Variants in KAT2B observed in about 807,000 individuals in gnomAD.
KAT2B encodes the protein histone acetyltransferase KAT2B.
In KAT2B, 36 loss-of-function variants were observed where a neutral mutation model predicts 105.9. The observed-to-expected ratio is 0.34, with a 90% CI of 0.26 to 0.45. The LOEUF is 0.45. KAT2B is among the 20% of genes least tolerant of loss of function. The probability of loss-of-function intolerance (pLI) is 1.00; values close to 1 mark genes in which losing one functional copy is unlikely to be tolerated. For synonymous variants in KAT2B, 397 were observed against 377.9 expected, an observed-to-expected ratio of 1.05 and a Z score of -0.59; for missense variants, 820 against 1,021.6, an observed-to-expected ratio of 0.80 and a Z score of 2.69.
At chr3:20,117,086 C>G (rs1376722914) in intron 7 of KAT2B, among the ~76,000 whole-genome samples, 4 of 150,384 alleles carry the variant, frequency 2.7e-5, no homozygotes, top group Non-Finnish European at 6.0e-5. Context: ...GAGAGGATTT[C>G]TGTGTGTGAA....
At position 20,097,642 on chromosome 3, in the gene KAT2B, T is replaced by G. The variant is rs367719673; in HGVS notation, c.577-2220T>G. On this transcript the variant is annotated intron_variant, in intron 3 of 17. Transcript: ENST00000263754. ...ACCTCCACCACCTGAGTTCAAGTGA[T>G]TCTCCTGCCTCAGCCTCCTGAGTAG... Among the ~76,000 whole-genome samples, 4 of 152,258 alleles carry G rather than the reference T, an allele frequency of 2.6e-5. No individual in the cohort carries two copies. In the East Asian group the frequency reaches 7.7e-4, roughly 29 times the overall value.
chr3:20,152,654 A>C lies in KAT2B; in HGVS notation c.*129A>C. 1.6e-6 allele frequency: 1 copy of C among 613,642 alleles called. No homozygotes were observed. Among genetic ancestry groups the C allele is most frequent in the Non-Finnish European group, 2.7e-6 (1 of 370,120 alleles). The allele number at this position is 613,642 out of a possible 1,614,324, so 38.0% of individuals were successfully genotyped here. On this transcript the variant is annotated 3_prime_UTR_variant, in exon 18 of 18. Coordinates refer to ENST00000263754, the MANE Select transcript of KAT2B (RefSeq NM_003884.5). ...GTAAATGTAATAATTAGCACTTTTG[A>C]AAAAACAAAAAACCTCCTTTTAGCT...
Position 20,126,029 on chromosome 3 carries a change from T to C in KAT2B, c.1538T>C (p.Met513Thr), listed in dbSNP as rs1171249605. The C allele has an allele frequency of 6.2e-7, 1 of 1,614,176 alleles. No individual in the cohort carries two copies. Among genetic ancestry groups the C allele is most frequent in the Non-Finnish European group, 8.5e-7 (1 of 1,180,020 alleles). ...CAGAAACCAAACAAGAAGATCCTGA[T>C]GTGGCTGGTTGGCCTACAGAACGTT... ...LNQKPNKKIL[M>T]WLVGLQNVFS... Residue 513 changes from methionine to threonine, a missense_variant, in exon 10 of 18, where the codon ATG becomes ACG. By Grantham distance (81) the Met-to-Thr change is moderately conservative. This residue lies in a region of KAT2B where 225 missense variants were observed against 268.1 expected (regional missense o/e 0.84). Coordinates refer to ENST00000263754, the MANE Select transcript of KAT2B (RefSeq NM_003884.5).
At chr3:20,050,228 C>T (rs998282355) in intron 1 of KAT2B, among the ~76,000 whole-genome samples, 3 of 151,756 alleles carry the variant, frequency 2.0e-5, no homozygotes, top group Non-Finnish European at 4.4e-5. Flanking sequence ...TTTAGAAGTC[C>T]CCCAACCAGT....
intron 17 of KAT2B, among the ~76,000 whole-genome samples, chr3:20,150,345 A>G (rs1363225311): frequency 6.6e-6 from 1 of 152,136 alleles, no homozygotes; most frequent in Non-Finnish European, 1.5e-5. Context: ...CGATTTCCTT[A>G]TTTGATTTTT....
chr3:20,108,794 C>G (rs564791284), intron 5 of KAT2B, among the ~76,000 whole-genome samples: 2 of 152,278 alleles, frequency 1.3e-5, no homozygotes, highest in African/African-American at 4.8e-5. Flanking sequence ...CCTGTCAGAT[C>G]AGTGGTGGCA....
At position 20,086,902 on chromosome 3, in the gene KAT2B, C is replaced by G. The variant is rs141049343; in HGVS notation, c.431-8361C>G. Reference sequence around the variant, plus strand: ...ATTCAAGTCATTCTCCTGCCTCAGCCTCCCAAGTAGCTAGGATTACAGGCA... The same window carrying G: ...ATTCAAGTCATTCTCCTGCCTCAGCGTCCCAAGTAGCTAGGATTACAGGCA... On this transcript the variant is annotated intron_variant, in intron 2 of 17. Coordinates refer to ENST00000263754, the MANE Select transcript of KAT2B (RefSeq NM_003884.5). 2.8e-3 allele frequency among the ~76,000 whole-genome samples: 416 copies of G among 147,424 alleles called. 2 individuals carry two copies. Among genetic ancestry groups the G allele is most frequent in the Non-Finnish European group, 4.7e-3 (317 of 67,310 alleles).
chr3:20,126,038 T>C lies in KAT2B; in HGVS notation c.1547T>C (p.Val516Ala). ...AACAAGAAGATCCTGATGTGGCTGG[T>C]TGGCCTACAGAACGTTTTCTCCCAC... is the stretch of plus-strand genomic sequence containing the variant. ...KPNKKILMWLVGLQNVFSHQL... is the reference protein window; with the variant it reads ...KPNKKILMWLAGLQNVFSHQL... Residue 516 changes from valine to alanine, a missense_variant, in exon 10 of 18, where the codon GTT (valine) becomes GCT (alanine). Physicochemically the swap from Val to Ala is moderately conservative, Grantham distance 64. This residue lies in a region of KAT2B where 225 missense variants were observed against 268.1 expected (regional missense o/e 0.84). Transcript: ENST00000263754. 1 of 1,614,124 alleles carries C rather than the reference T, an allele frequency of 6.2e-7. No individual in the cohort carries two copies. The highest frequency in any genetic ancestry group is 8.5e-7 in the Non-Finnish European group (1 of 1,180,016).
intron 7 of KAT2B, 33 bp from the exon 8 acceptor site, chr3:20,119,565 A>T: frequency 6.2e-7 from 1 of 1,613,006 alleles, no homozygotes. Context: ...GGAGTCAGTC[A>T]TCTAACACCT....
At chr3:20,072,282 TCCACGGCTG>T in intron 1 of KAT2B, 42 bp from the exon 2 acceptor site, 1 of 1,590,368 alleles carries the variant, frequency 6.3e-7, no homozygotes, top group Non-Finnish European at 8.6e-7. Flanking sequence ...AAACCATCAG[TCCACGGCTG>T]CCTGTTAAAT....
intron 6 of KAT2B, among the ~76,000 whole-genome samples, chr3:20,112,166 CTT>C (rs5847044): frequency 2.1e-5 from 3 of 141,212 alleles, no homozygotes; most frequent in East Asian, 2.0e-4. Context: ...GCTCAAGTGG[CTT>C]TTTTTTTTTT....
intron 13 of KAT2B, among the ~76,000 whole-genome samples, chr3:20,144,999 G>A (rs951529480): frequency 1.3e-5 from 2 of 151,932 alleles, no homozygotes; most frequent in African/African-American, 4.8e-5. Context: ...GTTTCACCGT[G>A]TTGGCCAGGC....
chr3:20,130,551 A>G (rs1699491127), intron 11 of KAT2B, among the ~76,000 whole-genome samples: 1 of 152,224 alleles, frequency 6.6e-6, no homozygotes, highest in Admixed American at 6.5e-5. Context: ...AAAGATAGCT[A>G]TACCAAACAC....
chr3:20,108,792 A>G lies in KAT2B; in HGVS notation c.852-2804A>G, dbSNP rs1318712146. Among the ~76,000 whole-genome samples, 4 of 152,254 alleles carry G rather than the reference A, an allele frequency of 2.6e-5. No homozygotes were observed. The South Asian group carries it at 8.3e-4, about 32-fold the overall frequency. On this transcript the variant is annotated intron_variant, in intron 5 of 17. Coordinates refer to ENST00000263754, the MANE Select transcript of KAT2B (RefSeq NM_003884.5). ...CAGCCTGAGCTCCACCTCCTGTCAG[A>G]TCAGTGGTGGCATTAGATTCTCATA...
At chr3:20,085,631 C>A (rs1575124293) in intron 2 of KAT2B, among the ~76,000 whole-genome samples, 1 of 151,752 alleles carries the variant, frequency 6.6e-6, no homozygotes, top group Admixed American at 6.6e-5. Flanking sequence ...TTGCCTCAGC[C>A]TCCCGAGTCG....
At chr3:20,079,342 T>C (rs1698479124) in intron 2 of KAT2B, among the ~76,000 whole-genome samples, 4 of 151,818 alleles carry the variant, frequency 2.6e-5, no homozygotes, top group Admixed American at 2.6e-4. Context: ...GTAGCTGGGA[T>C]TACAGGCACC....
In KAT2B at chr3:20,072,407, G is replaced by A. The variant is rs1387343752; in HGVS notation, c.378G>A (p.Gln126=). 6.2e-7 allele frequency: 1 copy of A among 1,613,774 alleles called. No homozygotes were observed. The highest frequency in any genetic ancestry group is 8.5e-7 in the Non-Finnish European group (1 of 1,179,682). Residue 126 remains glutamine (Q), a synonymous_variant, in exon 2 of 18, where the codon CAG becomes CAA. Coordinates refer to ENST00000263754, the MANE Select transcript of KAT2B (RefSeq NM_003884.5). ...PSPTPPRADL[Q]QIIVSLTESC... is the part of the protein sequence containing the mutation. The stretch of plus-strand genomic sequence containing the variant: ...CCACTCCCCCCAGAGCCGACCTGCA[G>A]CAAATAATTGTCAGTCTAACAGAAT...
At chr3:20,065,085 A>G (rs1429554331) in intron 1 of KAT2B, among the ~76,000 whole-genome samples, 1 of 152,120 alleles carries the variant, frequency 6.6e-6, no homozygotes, top group East Asian at 1.9e-4. Context: ...GCATACTATA[A>G]CAACATCGGT....
chr3:20,111,870 A>G, intron 6 of KAT2B, 83 bp downstream of exon 6: 1 of 1,080,094 alleles, frequency 9.3e-7, no homozygotes, highest in Non-Finnish European at 1.3e-6. Context: ...CATAAATAAC[A>G]AGATCGGAAA....
Sources: gnomAD v4.1 joint callset for allele counts (sites outside exome capture counted in the v4.1 genomes callset) on GRCh38, gnomAD v4.1.1 for gene constraint, gnomAD v4.1.1 regional missense constraint, MANE v1.5 for transcripts, NCBI Gene and HGNC (gene_info 2026-07-23, HGNC 2026-07-21) for gene names.